The following SLAMF8 variants were observed in gnomAD, a reference collection of about 807,000 sequenced individuals.
SLAMF8 encodes SLAM family member 8, also known as B lymphocyte activator macrophage expressed.
In SLAMF8, 23 loss-of-function variants were observed where a neutral mutation model predicts 29.0. The observed-to-expected ratio is 0.79, with a 90% CI of 0.57 to 1.13. The LOEUF is 1.13. SLAMF8 is among the 50% of genes most tolerant of loss of function. The pLI, the probability that SLAMF8 is intolerant of heterozygous loss-of-function variation, is 0.00. For synonymous variants in SLAMF8, 139 were observed against 145.6 expected (o/e 0.96, Z 0.32); for missense variants, 381 against 353.1 (o/e 1.08, Z -0.63).
At position 159,833,191 on chromosome 1, in the gene SLAMF8, G is replaced by C. The variant is rs202068898; in HGVS notation, c.673+10G>C. The C allele has an allele frequency of 5.6e-6, 9 of 1,614,000 alleles. No individual in the cohort carries two copies. In the East Asian group the frequency reaches 6.7e-5, roughly 12 times the overall value. ...TGTCATCATGAGGCAGGTATGCTAA[G>C]GGCCAGCAGTCAGTGGTTGAGGGCT... On this transcript the variant is annotated intron_variant, in intron 3 of 4. Coordinates refer to ENST00000289707, the MANE Select transcript of SLAMF8 (RefSeq NM_020125.3).
At chr1:159,833,471 C>T in intron 4 of SLAMF8, 102 bp downstream of exon 4, 7 of 1,525,256 alleles carry the variant, frequency 4.6e-6, no homozygotes, top group Non-Finnish European at 6.3e-6. Context: ...TGGTCTGCCC[C>T]TTCCTACCTC....
In SLAMF8 at chr1:159,835,217, TG is replaced by T. The variant is rs1310890902; in HGVS notation, c.818del (p.Gly273ValfsTer148). The T allele has an allele frequency of 6.2e-7, 1 of 1,614,006 alleles. No homozygotes were observed. The highest frequency in any genetic ancestry group is 8.5e-7 in the Non-Finnish European group (1 of 1,179,964). ...AAAAAGGATGTCCATGCTGACAGAG[TG>T]GGTCCAGAGACAGAGAACCCCCTTG... ...KKKKDVHADR[V>X]GPETENPLVQ... On this transcript the variant is annotated frameshift_variant, in exon 5 of 5. Coordinates refer to ENST00000289707, the MANE Select transcript of SLAMF8 (RefSeq NM_020125.3). LOFTEE classifies it high-confidence loss of function.
At chr1:159,827,027 G>T (rs150316214) in intron 1 of SLAMF8, 89 bp downstream of exon 1, 5 of 1,527,136 alleles carry the variant, frequency 3.3e-6, no homozygotes, top group South Asian at 2.3e-5. Flanking sequence ...GGGATCCCTC[G>T]ACCTGGGTGA....
At position 159,835,718 on chromosome 1, in the gene SLAMF8, C is replaced by T. The variant is rs751879632; in HGVS notation, c.*458C>T. On this transcript the variant is annotated 3_prime_UTR_variant, in exon 5 of 5. Coordinates refer to ENST00000289707, the MANE Select transcript of SLAMF8 (RefSeq NM_020125.3). ...AACTCTGAGTCACCCATGCCAGCATCAGCTTCAGCCCCAGACCCTGCAGTT... is the reference window on the plus strand; with the variant it reads ...AACTCTGAGTCACCCATGCCAGCATTAGCTTCAGCCCCAGACCCTGCAGTT... The T allele has an allele frequency of 1.1e-5, 11 of 986,872 alleles. No homozygotes were observed. Among genetic ancestry groups the T allele is most frequent in the Non-Finnish European group, 1.3e-5 (11 of 830,888 alleles). 61.1% of individuals were successfully genotyped at this position (986,872 alleles called of 1,614,324 possible). A position where few individuals can be genotyped will look rare whatever the true frequency, so the allele number is the denominator to read the frequency against.
intron 2 of SLAMF8, among the ~76,000 whole-genome samples, chr1:159,831,021 G>A (rs1415423674): frequency 6.6e-6 from 1 of 152,088 alleles, no homozygotes; most frequent in Non-Finnish European, 1.5e-5. Flanking sequence ...GGGCTGCGTG[G>A]GCCTTGTTTC....
At chr1:159,833,219 T>G (rs1331958182) in intron 3 of SLAMF8, 38 bp downstream of exon 3, 2 of 1,614,034 alleles carry the variant, frequency 1.2e-6, no homozygotes. Context: ...TGAGGGCTTA[T>G]GAAGCATCAA....
rs1647634639 is a variant in SLAMF8 at position 159,833,277 on chromosome 1, C to T, written c.689C>T (p.Ser230Phe). The T allele has an allele frequency of 2.5e-6, 4 of 1,614,152 alleles. No homozygotes were observed. The highest frequency in any genetic ancestry group is 3.4e-6 in the Non-Finnish European group (4 of 1,180,010). ...CCATGTTCAGCACCAGGGAAGGCCT[C>T]CTACAAAGATGTGCTGCTGGTGGTG... is the stretch of plus-strand genomic sequence containing the variant. ...CHHEAAPGKASYKDVLLVVVP... is the reference protein window; with the variant it reads ...CHHEAAPGKAFYKDVLLVVVP... Residue 230 changes from serine (S) to phenylalanine (F), a missense_variant, in exon 4 of 5, where the codon TCC becomes TTC. Transcript: ENST00000289707.
At chr1:159,834,955 T>C (rs1439034522) in intron 4 of SLAMF8, 7 of 492,796 alleles carry the variant, frequency 1.4e-5, no homozygotes, top group Non-Finnish European at 2.5e-5. Flanking sequence ...TTCCATACCT[T>C]CTACAATTAA....
chr1:159,830,252 T>C (rs1647402968), intron 2 of SLAMF8, 60 bp downstream of exon 2: 1 of 1,484,822 alleles, frequency 6.7e-7, no homozygotes, highest in Non-Finnish European at 9.0e-7. Flanking sequence ...CAGACGAGCA[T>C]CCTGAGTCAT....
At chr1:159,828,954 G>A (rs114663335) in intron 1 of SLAMF8, among the ~76,000 whole-genome samples, 2,416 of 152,202 alleles carry the variant, frequency 0.016, 30 homozygotes, top group Middle Eastern at 0.031. Context: ...TCCTGTTCTG[G>A]ATCACAGAGA....
intron 1 of SLAMF8, 69 bp from the exon 2 acceptor site, chr1:159,829,797 C>T: frequency 7.0e-7 from 1 of 1,428,256 alleles, no homozygotes; most frequent in Non-Finnish European, 9.1e-7. Flanking sequence ...CCTATAGCAG[C>T]TCAGATGCAT....
chr1:159,830,936 G>A (rs908211004), intron 2 of SLAMF8, among the ~76,000 whole-genome samples: 1 of 152,146 alleles, frequency 6.6e-6, no homozygotes, highest in Admixed American at 6.5e-5. Context: ...AGCTGGGTGC[G>A]ACTTCTGCTT....
chr1:159,836,182 C>T lies in SLAMF8; in HGVS notation c.*922C>T. On this transcript the variant is annotated 3_prime_UTR_variant, in exon 5 of 5. Transcript: ENST00000289707. ...TGAGAGAGTGAAGAACCATAAAACGCTATGCAGAAGGAACATTATGGAGAG... is the reference window on the plus strand; with the variant it reads ...TGAGAGAGTGAAGAACCATAAAACGTTATGCAGAAGGAACATTATGGAGAG... 2.0e-6 allele frequency: 2 copies of T among 985,432 alleles called. No homozygotes were observed. Among genetic ancestry groups the T allele is most frequent in the East Asian group, 1.1e-4 (1 of 8,812 alleles). The allele number at this position is 985,432 out of a possible 1,614,324, so 61.0% of individuals were successfully genotyped here. A position where few individuals can be genotyped will look rare whatever the true frequency, so the allele number is the denominator to read the frequency against.
At chr1:159,834,797 G>C (rs1257384534) in intron 4 of SLAMF8, 3 of 188,218 alleles carry the variant, frequency 1.6e-5, no homozygotes, top group Admixed American at 5.4e-5. Flanking sequence ...TGTCCTCAAG[G>C]CTCATAAAAT....
chr1:159,827,515 C>G (rs1007106318), intron 1 of SLAMF8, among the ~76,000 whole-genome samples: 6 of 152,154 alleles, frequency 3.9e-5, no homozygotes, highest in Admixed American at 2.6e-4. Flanking sequence ...TACACGGGGT[C>G]TCCTCCACAC....
At position 159,832,736 on chromosome 1, in the gene SLAMF8, A is replaced by T. The variant is rs1000265864; in HGVS notation, c.368-140A>T. 9.4e-6 allele frequency: 8 copies of T among 847,118 alleles called. No individual in the cohort carries two copies. In the African/African-American group the frequency reaches 1.2e-4, roughly 13 times the overall value. The allele number at this position is 847,118 out of a possible 1,614,324, so 52.5% of individuals were successfully genotyped here. A position where few individuals can be genotyped will look rare whatever the true frequency, so the allele number is the denominator to read the frequency against. On this transcript the variant is annotated intron_variant, in intron 2 of 4. Transcript: ENST00000289707. ...GGAATTCAGCTTCTGTCCTGTGGGC[A>T]GTGGAAAGCCAGACAAGATTTTGGA...
chr1:159,829,774 G>A, intron 1 of SLAMF8, 92 bp from the exon 2 acceptor site: 1 of 1,415,056 alleles, frequency 7.1e-7, no homozygotes, highest in Non-Finnish European at 9.6e-7. Context: ...TCAGTGGAGG[G>A]GCCCCAATTC....
At chr1:159,828,952 T>C (rs1466437938) in intron 1 of SLAMF8, among the ~76,000 whole-genome samples, 1 of 152,178 alleles carries the variant, frequency 6.6e-6, no homozygotes, top group Non-Finnish European at 1.5e-5. Context: ...CCTCCTGTTC[T>C]GGATCACAGA....
chr1:159,829,374 C>A (rs1006427493), intron 1 of SLAMF8, among the ~76,000 whole-genome samples: 2 of 152,224 alleles, frequency 1.3e-5, no homozygotes, highest in African/African-American at 2.4e-5. Context: ...CTACTCCTCA[C>A]ACAGAGAACT....
Sources: allele counts gnomAD v4.1 joint callset (sites outside exome capture counted in the v4.1 genomes callset), GRCh38; gene constraint gnomAD v4.1.1; transcripts MANE v1.5; gene names NCBI Gene and HGNC (gene_info 2026-07-23, HGNC 2026-07-21).